The following C9 variants were observed in gnomAD, a reference collection of about 807,000 sequenced individuals.
C9 encodes complement C9, also known as complement component C9.
A neutral mutation model predicts 65.4 loss-of-function variants in C9; 63 were observed. The ratio of observed to expected loss-of-function variants is 0.96; its 90% confidence interval spans 0.79 to 1.19. The LOEUF (loss-of-function observed/expected upper bound fraction) is 1.19, where lower values mean the gene tolerates loss of function less well. Ranked by LOEUF, C9 falls within the 50% of genes most tolerant of loss-of-function variation. C9 has a pLI of 0.00. For synonymous variants in C9, 229 were observed against 227.9 expected (o/e 1.00, Z -0.04); for missense variants, 744 against 670.1 (o/e 1.11, Z -1.22).
chr5:39,286,441 T>C (rs1022517423), intron 10 of C9, among the ~76,000 whole-genome samples: 1 of 151,892 alleles, frequency 6.6e-6, no homozygotes, highest in Admixed American at 6.6e-5. Flanking sequence ...TTGAAAGCTA[T>C]AAAGGTAGGA....
intron 5 of C9, among the ~76,000 whole-genome samples, chr5:39,327,387 A>G (rs1245549932): frequency 5.3e-5 from 8 of 152,226 alleles, no homozygotes. Context: ...TGGGAGCTTA[A>G]GGCAGTGGCA....
intron 1 of C9, among the ~76,000 whole-genome samples, chr5:39,363,383 TGGC>T (rs926597874): frequency 2.0e-5 from 3 of 152,198 alleles, no homozygotes; most frequent in African/African-American, 7.2e-5. Flanking sequence ...CCAGGCTGAA[TGGC>T]GGCCTCCAAC....
intron 6 of C9, among the ~76,000 whole-genome samples, chr5:39,313,520 G>A (rs906436764): frequency 4.6e-5 from 7 of 152,114 alleles, no homozygotes; most frequent in Admixed American, 2.6e-4. Flanking sequence ...AAACCACCTA[G>A]AGAATCTTGT....
intron 6 of C9, 76 bp downstream of exon 6, chr5:39,315,699 T>A: frequency 9.1e-7 from 1 of 1,094,798 alleles, no homozygotes; most frequent in Non-Finnish European, 1.3e-6. Context: ...TTATGATTTC[T>A]ATTTGCTCAA....
intron 9 of C9, among the ~76,000 whole-genome samples, chr5:39,299,320 T>C (rs1213554035): frequency 6.6e-6 from 1 of 151,980 alleles, no homozygotes; most frequent in African/African-American, 2.4e-5. Context: ...AAGCAATCTC[T>C]CTCCTAGAGA....
At chr5:39,327,151 G>A (rs187102287) in intron 5 of C9, among the ~76,000 whole-genome samples, 157 of 152,244 alleles carry the variant, frequency 1.0e-3, no homozygotes, top group Non-Finnish European at 2.0e-3. Context: ...AGCTGAGGGT[G>A]GAGTGGCAAT....
intron 4 of C9, among the ~76,000 whole-genome samples, chr5:39,334,287 G>A (rs1158009188): frequency 4.0e-5 from 6 of 150,172 alleles, no homozygotes; most frequent in African/African-American, 1.2e-4. Flanking sequence ...TGTGAGAAGC[G>A]CCTCTGCCCG....
intron 9 of C9, among the ~76,000 whole-genome samples, chr5:39,305,809 A>T (rs1753363413): frequency 1.3e-5 from 2 of 152,178 alleles, no homozygotes; most frequent in African/African-American, 4.8e-5. Context: ...TCTACTGACC[A>T]TAAGAATTGT....
chr5:39,311,757 G>A (rs1024960021), intron 6 of C9, among the ~76,000 whole-genome samples: 2 of 152,082 alleles, frequency 1.3e-5, no homozygotes, highest in African/African-American at 4.8e-5. Context: ...AGTCAGAATA[G>A]CTTAAAATTG....
At chr5:39,354,929 A>G (rs1298360930) in intron 1 of C9, among the ~76,000 whole-genome samples, 1 of 152,248 alleles carries the variant, frequency 6.6e-6, no homozygotes, top group Non-Finnish European at 1.5e-5. Flanking sequence ...TCATTGGAAC[A>G]TCATTGGTTT....
At chr5:39,325,504 G>T (rs1753732088) in intron 5 of C9, among the ~76,000 whole-genome samples, 2 of 152,316 alleles carry the variant, frequency 1.3e-5, no homozygotes, top group Middle Eastern at 3.4e-3. Flanking sequence ...GCCAGGCGCG[G>T]TTGCTCACGC....
chr5:39,335,304 C>G (rs1753942117), intron 4 of C9, among the ~76,000 whole-genome samples: 1 of 152,140 alleles, frequency 6.6e-6, no homozygotes, highest in African/African-American at 2.4e-5. Context: ...AATATTAAGA[C>G]AGTTTATATT....
intron 9 of C9, among the ~76,000 whole-genome samples, chr5:39,293,418 A>G (rs1448704225): frequency 1.3e-5 from 2 of 152,000 alleles, no homozygotes; most frequent in African/African-American, 4.8e-5. Flanking sequence ...AGCTATGCTT[A>G]TATCAGACAA....
At chr5:39,348,710 G>A (rs892095443) in intron 1 of C9, among the ~76,000 whole-genome samples, 23 of 152,206 alleles carry the variant, frequency 1.5e-4, no homozygotes, top group African/African-American at 5.3e-4. Flanking sequence ...TGCTATAAAG[G>A]CACATGCACA....
intron 10 of C9, among the ~76,000 whole-genome samples, chr5:39,286,607 A>G (rs75340684): frequency 0.016 from 2,386 of 152,156 alleles, 62 homozygotes; most frequent in East Asian, 0.075. Context: ...GGAAAATTAA[A>G]AGCTAGAACT....
chr5:39,307,655 G>T (rs1335011632), intron 8 of C9, among the ~76,000 whole-genome samples: 1 of 152,010 alleles, frequency 6.6e-6, no homozygotes, highest in African/African-American at 2.4e-5. Context: ...AATGTTCTCA[G>T]GTATTTCTGA....
At chr5:39,303,246 A>G (rs947641503) in intron 9 of C9, among the ~76,000 whole-genome samples, 13 of 152,134 alleles carry the variant, frequency 8.5e-5, no homozygotes, top group African/African-American at 1.4e-4. Context: ...CAAGTTGGCA[A>G]TAGAATTAAT....
At position 39,341,215 on chromosome 5, in the gene C9, C is replaced by G. The variant is rs200040673; in HGVS notation, c.407G>C (p.Ser136Thr). 6.2e-7 allele frequency: 1 copy of G among 1,614,192 alleles called. No homozygotes were observed. Among genetic ancestry groups the G allele is most frequent in the East Asian group, 2.2e-5 (1 of 44,874 alleles). ...GDFSDEDDCE[S>T]EPRPPCRDRV... ...GTCTCTGCAGGGGGGACGGGGCTCACTTTCACAATCATCCTCATCTGAAAA... is the reference window on the plus strand; with the variant it reads ...GTCTCTGCAGGGGGGACGGGGCTCAGTTTCACAATCATCCTCATCTGAAAA... The change falls in exon 4 of 11, where the codon AGT becomes ACT. Residue 136 changes from serine (S) to threonine (T), a missense_variant. Physicochemically the swap from Ser to Thr is moderately conservative, Grantham distance 58 (BLOSUM62 1). Transcript: ENST00000263408.
At chr5:39,341,531 TG>T in intron 3 of C9, 24 bp downstream of exon 3, 1 of 1,611,662 alleles carries the variant, frequency 6.2e-7, no homozygotes, top group Non-Finnish European at 8.5e-7. Flanking sequence ...AAAGCCACAA[TG>T]AGCAATTCAA....
Sources: allele counts gnomAD v4.1 joint callset (sites outside exome capture counted in the v4.1 genomes callset), GRCh38; gene constraint gnomAD v4.1.1; transcripts MANE v1.5; gene names NCBI Gene and HGNC (gene_info 2026-07-23, HGNC 2026-07-21).